FSD1L: variants seen among roughly 807,000 people sequenced by gnomAD.
FSD1L encodes the protein FSD1-like protein.
In FSD1L, 45 loss-of-function variants were observed where a neutral mutation model predicts 71.6. The ratio of observed to expected loss-of-function variants is 0.63; its 90% CI spans 0.49 to 0.81. FSD1L has a LOEUF of 0.81. Among genes scored for constraint, FSD1L ranks in the 30% least tolerant of loss-of-function variants. The pLI is 0.00. For synonymous variants in FSD1L, 197 were observed against 207.2 expected (o/e 0.95, Z 0.42); for missense variants, 561 against 618.1 (o/e 0.91, Z 0.98).
chr9:105,532,923 T>C (rs988226991), intron 10 of FSD1L, among the ~76,000 whole-genome samples: 1 of 152,204 alleles, frequency 6.6e-6, no homozygotes, highest in Non-Finnish European at 1.5e-5. Context: ...ATTTAAATAA[T>C]GCAGAATGAA....
intron 2 of FSD1L, 81 bp downstream of exon 2, chr9:105,461,696 C>T (rs1324575438): frequency 1.6e-5 from 13 of 807,702 alleles, no homozygotes; most frequent in East Asian, 2.7e-5. Flanking sequence ...TTTGACTATA[C>T]TCATTAAAAA....
intron 10 of FSD1L, chr9:105,523,100 G>A: frequency 6.2e-7 from 1 of 1,614,092 alleles, no homozygotes; most frequent in Non-Finnish European, 8.5e-7. Flanking sequence ...GCCATCATCA[G>A]AGTGCTGAAG....
chr9:105,533,820 T>G (rs923349324), intron 10 of FSD1L, among the ~76,000 whole-genome samples: 1 of 151,028 alleles, frequency 6.6e-6, no homozygotes, highest in African/African-American at 2.4e-5. Context: ...GACTCCTGGG[T>G]TCAAGCGATT....
Position 105,479,380 on chromosome 9 carries a change from T to C in FSD1L, c.464+4T>C. The C allele has an allele frequency of 3.2e-6, 5 of 1,548,850 alleles. No homozygotes were observed. Among genetic ancestry groups the C allele is most frequent in the Middle Eastern group, 1.7e-4 (1 of 5,980 alleles). On this transcript the variant is annotated splice_donor_region_variant and intron_variant, in intron 6 of 13. Transcript: ENST00000481272. ...CTGCCAGACAGATCAAGGATAGGTA[T>C]GGTATAAAACACATTTTTACTTAAG...
intron 8 of FSD1L, among the ~76,000 whole-genome samples, chr9:105,508,059 G>A (rs1435750350): frequency 1.3e-5 from 2 of 151,844 alleles, no homozygotes; most frequent in African/African-American, 2.4e-5. Context: ...AGTAGAGACG[G>A]GGTTTCTCCA....
intron 7 of FSD1L, among the ~76,000 whole-genome samples, chr9:105,501,506 C>T (rs893425687): frequency 7.9e-5 from 12 of 152,174 alleles, no homozygotes; most frequent in African/African-American, 2.9e-4. Context: ...TCACTGTAGC[C>T]TCTAACTCCT....
In FSD1L at chr9:105,522,827, A is replaced by C. The variant is rs536361299; in HGVS notation, c.1025+9891A>C. Reference sequence around the variant, plus strand: ...GTAATGCCTCGACTATGACAAGAAGAGGAAGTAGTCCAGGCAGCCTGGAAA... The same window carrying C: ...GTAATGCCTCGACTATGACAAGAAGCGGAAGTAGTCCAGGCAGCCTGGAAA... On this transcript the variant is annotated intron_variant, in intron 10 of 13. Coordinates refer to ENST00000481272, the MANE Select transcript of FSD1L (RefSeq NM_001145313.3). 4 of 1,612,954 alleles carry C rather than the reference A, an allele frequency of 2.5e-6. No homozygotes were observed. The Admixed American group carries it at 6.7e-5, about 27-fold the overall frequency.
chr9:105,447,890 G>C (rs1310742044), upstream of FSD1L: 1 of 452,418 alleles, frequency 2.2e-6, no homozygotes, highest in African/African-American at 2.1e-5. Context: ...GAAAAAGGAT[G>C]GGGGAAGGGA....
In FSD1L at chr9:105,526,072, A is replaced by G; in HGVS notation, c.1026-8421A>G. On this transcript the variant is annotated intron_variant, in intron 10 of 13. Transcript: ENST00000481272. ...ATATCCAATGAAAAATCACATGTTC[A>G]GTATTCAGATAATGAGAAAACCAGA... 2.6e-6 allele frequency: 4 copies of G among 1,512,654 alleles called. No homozygotes were observed. The South Asian group carries it at 3.4e-5, about 13-fold the overall frequency. The allele number at this position is 1,512,654 out of a possible 1,614,324, so 93.7% of individuals were successfully genotyped here. A position where few individuals can be genotyped will look rare whatever the true frequency, so the allele number is the denominator to read the frequency against.
At chr9:105,442,920 T>C (rs1406088842), upstream of FSD1L, among the ~76,000 whole-genome samples, 4 of 152,228 alleles carry the variant, frequency 2.6e-5, no homozygotes, top group African/African-American at 7.2e-5. Context: ...ATTATACCTA[T>C]GGGATGCTAG....
At position 105,520,911 on chromosome 9, in the gene FSD1L, A is replaced by G. The variant is rs1040898525; in HGVS notation, c.1025+7975A>G. On this transcript the variant is annotated intron_variant, in intron 10 of 13. Transcript: ENST00000481272. ...TGAAGCACTTCTAAAATACATAGTC[A>G]TTCAGGTAAAAAGTTTAGAATGGAA... is the stretch of plus-strand genomic sequence containing the variant. 5 of 1,612,116 alleles carry G rather than the reference A, an allele frequency of 3.1e-6. No homozygotes were observed. In the Admixed American group the frequency reaches 8.3e-5, roughly 27 times the overall value.
chr9:105,477,081 C>G (rs1052757468), intron 5 of FSD1L, among the ~76,000 whole-genome samples: 1 of 151,976 alleles, frequency 6.6e-6, no homozygotes, highest in East Asian at 1.9e-4. Context: ...GAAGTGATAC[C>G]ATAAAAGCTT....
chr9:105,479,257 G>C (rs1232054566), intron 5 of FSD1L, 97 bp from the exon 6 acceptor site: 1 of 1,030,396 alleles, frequency 9.7e-7, no homozygotes, highest in East Asian at 2.6e-5. Context: ...TCTGTTGCAG[G>C]GTTTATATCC....
chr9:105,520,711 G>T, intron 10 of FSD1L: 2 of 1,613,294 alleles, frequency 1.2e-6, no homozygotes, highest in Non-Finnish European at 1.7e-6. Flanking sequence ...ATGTTTTCAT[G>T]CTTAATCCCT....
At chr9:105,486,907 T>C (rs1044803604) in intron 7 of FSD1L, among the ~76,000 whole-genome samples, 1 of 152,148 alleles carries the variant, frequency 6.6e-6, no homozygotes, top group Non-Finnish European at 1.5e-5. Flanking sequence ...GTGCTTATCT[T>C]TCTAGAAACA....
intron 1 of FSD1L, among the ~76,000 whole-genome samples, chr9:105,451,124 T>C (rs9969773): frequency 0.14 from 21,003 of 152,044 alleles, 1,950 homozygotes; most frequent in African/African-American, 0.26. Context: ...CACGCCTGGC[T>C]AATTTTTTGT....
chr9:105,521,342 C>G, intron 10 of FSD1L: 4 of 1,614,122 alleles, frequency 2.5e-6, no homozygotes, highest in Non-Finnish European at 3.4e-6. Flanking sequence ...CTACAGAACC[C>G]GAACAGTCTC....
At chr9:105,472,476 A>G (rs1043591195) in intron 5 of FSD1L, 1 of 152,874 alleles carries the variant, frequency 6.5e-6, no homozygotes, top group Non-Finnish European at 1.5e-5. Flanking sequence ...TAAATTGTAA[A>G]TTGTAATTTT....
In FSD1L at chr9:105,462,365, C is replaced by T. The variant is rs141080899; in HGVS notation, c.111+750C>T. Among the ~76,000 whole-genome samples the T allele has an allele frequency of 6.0e-4, 91 of 151,082 alleles. 1 individual carries two copies. The East Asian group carries it at 6.8e-3, about 11-fold the overall frequency. On this transcript the variant is annotated intron_variant, in intron 2 of 13. Coordinates refer to ENST00000481272, the MANE Select transcript of FSD1L (RefSeq NM_001145313.3). ...CGAATAGCTGAGCTGGGATTACAGG[C>T]GCCCATCACCACGCCTGCCTAATTT... is the stretch of plus-strand genomic sequence containing the variant.
Sources: allele counts gnomAD v4.1 joint callset (sites outside exome capture counted in the v4.1 genomes callset), GRCh38; gene constraint gnomAD v4.1.1; transcripts MANE v1.5; gene names NCBI Gene and HGNC (gene_info 2026-07-23, HGNC 2026-07-21).